The following PTPN13 variants were observed in gnomAD, a reference collection of about 807,000 sequenced individuals.
The protein encoded by PTPN13 is protein tyrosine phosphatase non-receptor type 13.
A neutral mutation model predicts 284.0 loss-of-function variants in PTPN13; 191 were observed. That is an observed-to-expected ratio of 0.67 (90% CI 0.60 to 0.76). The LOEUF is 0.76. Ranked by LOEUF, PTPN13 falls within the 30% of genes least tolerant of loss-of-function variation. The pLI, the probability that PTPN13 is intolerant of heterozygous loss-of-function variation, is 0.00. For missense variants in PTPN13, 2,797 were observed against 2,939.9 expected, an observed-to-expected ratio of 0.95 and a Z score of 1.12; for synonymous variants, 986 against 1,022.3, an observed-to-expected ratio of 0.96 and a Z score of 0.68.
intron 2 of PTPN13, among the ~76,000 whole-genome samples, chr4:86,650,487 G>T (rs1386055258): frequency 6.6e-6 from 1 of 151,898 alleles, no homozygotes; most frequent in African/African-American, 2.4e-5. Context: ...TTTTATATTT[G>T]TTTGCAGAGA....
intron 1 of PTPN13, among the ~76,000 whole-genome samples, chr4:86,603,332 A>C (rs1348802315): frequency 6.6e-6 from 1 of 152,110 alleles, no homozygotes. Context: ...CAGATATATA[A>C]ATTGTAGTTT....
At chr4:86,640,925 T>C (rs1723713111) in intron 2 of PTPN13, among the ~76,000 whole-genome samples, 1 of 152,210 alleles carries the variant, frequency 6.6e-6, no homozygotes, top group Admixed American at 6.5e-5. Context: ...CACAGAGTAT[T>C]ATCAGTAATA....
At chr4:86,760,527 G>A (rs892436439) in intron 23 of PTPN13, among the ~76,000 whole-genome samples, 2 of 152,146 alleles carry the variant, frequency 1.3e-5, no homozygotes, top group African/African-American at 4.8e-5. Flanking sequence ...CCTGTGATGT[G>A]CAAGACAAAA....
chr4:86,730,198 A>G (rs1349496677), intron 10 of PTPN13, among the ~76,000 whole-genome samples: 1 of 149,588 alleles, frequency 6.7e-6, no homozygotes, highest in Non-Finnish European at 1.5e-5. Flanking sequence ...TTCCTCTGGA[A>G]GTTTTATCCC....
chr4:86,689,791 C>T, intron 5 of PTPN13: 1 of 701,154 alleles, frequency 1.4e-6, no homozygotes, highest in East Asian at 2.7e-5. Flanking sequence ...TATATATTAC[C>T]TGAAAGTCCC....
At chr4:86,732,298 G>T in intron 10 of PTPN13, 102 bp from the exon 11 acceptor site, 5 of 963,300 alleles carry the variant, frequency 5.2e-6, no homozygotes, top group Non-Finnish European at 7.6e-6. Context: ...TGGTGATTTT[G>T]TAGTTTCATA....
chr4:86,807,608 C>T lies in PTPN13; in HGVS notation c.6794C>T (p.Ala2265Val). The change falls in exon 45 of 48, where the codon GCC becomes GTC. Residue 2265 changes from alanine (A) to valine (V), a missense_variant. Coordinates refer to ENST00000411767, the MANE Select transcript of PTPN13 (RefSeq NM_080683.3). ...GGAGATGAAGGTGGCTATATCAATG[C>T]CAGCTTCATTAAGATACCAGTTGGG... is the stretch of plus-strand genomic sequence containing the variant. ...PLGDEGGYIN[A>V]SFIKIPVGKE... The T allele has an allele frequency of 6.2e-7, 1 of 1,613,780 alleles. No individual in the cohort carries two copies. Among genetic ancestry groups the T allele is most frequent in the Non-Finnish European group, 8.5e-7 (1 of 1,179,792 alleles).
chr4:86,769,775 CA>C lies in PTPN13; in HGVS notation c.4497del (p.Phe1500LeufsTer3). 1.3e-6 allele frequency: 2 copies of C among 1,583,898 alleles called. No homozygotes were observed. Among genetic ancestry groups the C allele is most frequent in the South Asian group, 2.3e-5 (2 of 86,992 alleles). ...TTTATATCTTTTTCTCCAGAAAATACATTTGAGGTAAAATTATTTAAAAATA... is the reference window on the plus strand; with the variant it reads ...TTTATATCTTTTTCTCCAGAAAATACTTTGAGGTAAAATTATTTAAAAATA... ...KDYSFVTEEN[T>X]FEVKLFKNSS... On this transcript the variant is annotated frameshift_variant, in exon 29 of 48. Coordinates refer to ENST00000411767, the MANE Select transcript of PTPN13 (RefSeq NM_080683.3). LOFTEE classifies it high-confidence loss of function.
intron 7 of PTPN13, among the ~76,000 whole-genome samples, chr4:86,703,540 G>A (rs1204167030): frequency 1.3e-5 from 2 of 148,198 alleles, no homozygotes; most frequent in South Asian, 2.1e-4. Context: ...TTAAAAGGCT[G>A]AATGGTATCT....
chr4:86,655,578 C>T (rs1225500428), intron 2 of PTPN13, among the ~76,000 whole-genome samples: 3 of 152,206 alleles, frequency 2.0e-5, no homozygotes, highest in Non-Finnish European at 2.9e-5. Flanking sequence ...CCCCCACTCT[C>T]TTCTGGCGTG....
At chr4:86,781,831 C>T (rs10013810) in intron 36 of PTPN13, among the ~76,000 whole-genome samples, 15,090 of 151,898 alleles carry the variant, frequency 0.099, 859 homozygotes, top group Non-Finnish European at 0.11. Flanking sequence ...GGCATGGTGG[C>T]ACACACCTGT....
At chr4:86,779,916 A>G (rs1455045108) in intron 35 of PTPN13, among the ~76,000 whole-genome samples, 5 of 152,324 alleles carry the variant, frequency 3.3e-5, no homozygotes, top group African/African-American at 7.2e-5. Context: ...AGGGCTTTAG[A>G]TATATAAAAC....
intron 12 of PTPN13, 28 bp from the exon 13 acceptor site, chr4:86,734,275 A>G (rs1438095791): frequency 7.1e-7 from 1 of 1,399,474 alleles, no homozygotes; most frequent in African/African-American, 1.5e-5. Flanking sequence ...TTTTTATTTT[A>G]TCTGAATATT....
intron 1 of PTPN13, among the ~76,000 whole-genome samples, chr4:86,618,906 G>A (rs1341983761): frequency 2.6e-5 from 4 of 152,218 alleles, no homozygotes; most frequent in Non-Finnish European, 5.9e-5. Flanking sequence ...TTTCCTAATT[G>A]AATACCCTTT....
rs1374873122 is a variant in PTPN13, at chr4:86,814,824, G to A, written c.*273G>A. On this transcript the variant is annotated 3_prime_UTR_variant, in exon 48 of 48. Coordinates refer to ENST00000411767, the MANE Select transcript of PTPN13 (RefSeq NM_080683.3). ...TTAAAGGCAGCATTTGATGATAGCAGACATTGTTACAAGGACATGGTGAGT... is the reference window on the plus strand; with the variant it reads ...TTAAAGGCAGCATTTGATGATAGCAAACATTGTTACAAGGACATGGTGAGT... 2 of 298,894 alleles carry A rather than the reference G, an allele frequency of 6.7e-6. No homozygotes were observed. Among genetic ancestry groups the A allele is most frequent in the African/African-American group, 4.3e-5 (2 of 46,680 alleles). The allele number at this position is 298,894 out of a possible 1,614,324, so 18.5% of individuals were successfully genotyped here. A position where few individuals can be genotyped will look rare whatever the true frequency, so the allele number is the denominator to read the frequency against.
At chr4:86,613,475 A>G (rs369396700) in intron 1 of PTPN13, among the ~76,000 whole-genome samples, 22 of 152,238 alleles carry the variant, frequency 1.4e-4, no homozygotes, top group South Asian at 1.0e-3. Flanking sequence ...TCTACTAAAA[A>G]TACGAAAAGT....
At position 86,692,021 on chromosome 4, in the gene PTPN13, TGTAAAA is replaced by T. The variant is rs563940960; in HGVS notation, c.547-1562_547-1557del. Among the ~76,000 whole-genome samples the T allele has an allele frequency of 2.7e-3, 406 of 152,360 alleles. 2 individuals carry two copies. Among genetic ancestry groups the T allele is most frequent in the African/African-American group, 9.3e-3 (386 of 41,588 alleles). ...TCAATCATCCATATTATTAAACTGT[TGTAAAA>T]GTAGTTATTTCCACATTAATGAGCT... On this transcript the variant is annotated intron_variant, in intron 5 of 47. Transcript: ENST00000411767.
At position 86,693,609 on chromosome 4, in the gene PTPN13, G is replaced by A. The variant is rs201414495; in HGVS notation, c.569G>A (p.Ser190Asn). The A allele has an allele frequency of 1.5e-5, 24 of 1,553,810 alleles. No homozygotes were observed. Among genetic ancestry groups the A allele is most frequent in the Non-Finnish European group, 2.1e-5 (24 of 1,145,900 alleles). Residue 190 changes from serine to asparagine, a missense_variant, in exon 6 of 48, where the codon AGT becomes AAT. By Grantham distance (46) the Ser-to-Asn change is conservative (BLOSUM62 1). Coordinates refer to ENST00000411767, the MANE Select transcript of PTPN13 (RefSeq NM_080683.3). ...LSGTDQLSCNSEQKPDRSQAI... is the reference protein window; with the variant it reads ...LSGTDQLSCNNEQKPDRSQAI... ...CAGACAGATCAGCTTTCCTGTAACA[G>A]TGAACAAAAGCCTGATCGAAGCCAG...
At chr4:86,712,373 T>C (rs1015561465) in intron 7 of PTPN13, among the ~76,000 whole-genome samples, 3 of 151,060 alleles carry the variant, frequency 2.0e-5, no homozygotes, top group African/African-American at 7.3e-5. Flanking sequence ...CCAAGAAATG[T>C]TTCTGCTCAG....
Sources: gnomAD v4.1 joint callset for allele counts (sites outside exome capture counted in the v4.1 genomes callset) on GRCh38, gnomAD v4.1.1 for gene constraint, MANE v1.5 for transcripts, NCBI Gene and HGNC (gene_info 2026-07-23, HGNC 2026-07-21) for gene names.